The following YTHDC1 variants were observed in gnomAD, a reference collection of about 807,000 sequenced individuals.
YTHDC1 encodes the protein YTH domain-containing protein 1.
Under a neutral mutation model 107.0 loss-of-function variants are expected in YTHDC1, and 12 were observed. The ratio of observed to expected loss-of-function variants is 0.11; its 90% CI spans 0.07 to 0.18. The LOEUF is 0.18. Ranked by LOEUF, YTHDC1 falls within the 10% of genes least tolerant of loss-of-function variation. The pLI, the probability that YTHDC1 is intolerant of heterozygous loss-of-function variation, is 1.00. For missense variants in YTHDC1, 635 were observed against 898.8 expected (o/e 0.71, Z 3.75); for synonymous variants, 280 against 289.5 (o/e 0.97, Z 0.33).
At chr4:68,319,783 C>T (rs1334047103) in intron 12 of YTHDC1, among the ~76,000 whole-genome samples, 1 of 151,980 alleles carries the variant, frequency 6.6e-6, no homozygotes, top group African/African-American at 2.4e-5. Flanking sequence ...CACTAACTAC[C>T]ATAGGGAACA....
chr4:68,344,680 G>A (rs1040639975), intron 1 of YTHDC1, among the ~76,000 whole-genome samples: 3 of 152,176 alleles, frequency 2.0e-5, no homozygotes, highest in African/African-American at 7.2e-5. Flanking sequence ...CAAACTAATA[G>A]CAAAATGAGT....
intron 1 of YTHDC1, among the ~76,000 whole-genome samples, chr4:68,343,042 G>A (rs1234525879): frequency 2.0e-5 from 3 of 152,016 alleles, no homozygotes; most frequent in Non-Finnish European, 4.4e-5. Flanking sequence ...AATAACAACA[G>A]TAAACAAAGA....
chr4:68,338,617 G>C (rs1168759938), intron 1 of YTHDC1, among the ~76,000 whole-genome samples: 1 of 152,258 alleles, frequency 6.6e-6, no homozygotes, highest in Admixed American at 6.5e-5. Context: ...TTGGGAGGCT[G>C]AGGCAGGCCA....
At chr4:68,342,737 C>T (rs1425707542) in intron 1 of YTHDC1, among the ~76,000 whole-genome samples, 13 of 152,080 alleles carry the variant, frequency 8.5e-5, no homozygotes, top group African/African-American at 2.4e-4. Context: ...CATTTTAATT[C>T]ATTTTTTTAA....
intron 1 of YTHDC1, among the ~76,000 whole-genome samples, chr4:68,348,668 GC>G (rs1433987390): frequency 6.6e-6 from 1 of 152,062 alleles, no homozygotes; most frequent in East Asian, 1.9e-4. Context: ...CTCTCCTGAT[GC>G]AGAAACCAGA....
intron 10 of YTHDC1, 104 bp downstream of exon 10, chr4:68,324,035 C>T (rs556362564): frequency 1.0e-5 from 10 of 959,706 alleles, no homozygotes; most frequent in South Asian, 1.7e-5. Context: ...CAAATTCTCA[C>T]GTGGTCTCTT....
rs1424650922 is a variant in YTHDC1 at position 68,310,513 on chromosome 4, T to TA, written c.*3585dup. ...CAAGAGAATCCCCACCCCAAAAAAT[T>TA]AGAGATTAAATGATCTACATGATAG... On this transcript the variant is annotated 3_prime_UTR_variant, in exon 17 of 17. Transcript: ENST00000344157. 6.6e-6 allele frequency: 1 copy of TA among 152,138 alleles called. No homozygotes were observed. Among genetic ancestry groups the TA allele is most frequent in the Non-Finnish European group, 1.5e-5 (1 of 68,022 alleles). The allele number at this position is 152,138 out of a possible 1,614,324, so 9.4% of individuals were successfully genotyped here. A position where few individuals can be genotyped will look rare whatever the true frequency, so the allele number is the denominator to read the frequency against.
At chr4:68,348,862 G>C (rs1725740766) in intron 1 of YTHDC1, among the ~76,000 whole-genome samples, 1 of 152,184 alleles carries the variant, frequency 6.6e-6, no homozygotes, top group African/African-American at 2.4e-5. Flanking sequence ...TCTTAGGGTT[G>C]AAAAAGATCT....
At chr4:68,316,172 A>G (rs891805759) in intron 16 of YTHDC1, 142 bp downstream of exon 16, 8 of 896,910 alleles carry the variant, frequency 8.9e-6, no homozygotes, top group Non-Finnish European at 1.2e-5. Flanking sequence ...CATTTTTAAT[A>G]AAAACAAACA....
At position 68,311,779 on chromosome 4, in the gene YTHDC1, A is replaced by G. The variant is rs1187552205; in HGVS notation, c.*2320T>C. 1 of 152,236 alleles carries G rather than the reference A, an allele frequency of 6.6e-6. No individual in the cohort carries two copies. Among genetic ancestry groups the G allele is most frequent in the Non-Finnish European group, 1.5e-5 (1 of 68,044 alleles). The allele number at this position is 152,236 out of a possible 1,614,324, so 9.4% of individuals were successfully genotyped here. ...CGACTCAATACTAAGCTCAACATAC[A>G]AAGCATAACTTAACATCTAATTGGA... On this transcript the variant is annotated 3_prime_UTR_variant, in exon 17 of 17. Coordinates refer to ENST00000344157, the MANE Select transcript of YTHDC1 (RefSeq NM_001031732.4).
In YTHDC1 at chr4:68,314,282, T is replaced by C. The variant is rs778660084; in HGVS notation, c.2001A>G (p.Thr667=). The C allele has an allele frequency of 6.2e-7, 1 of 1,614,080 alleles. No homozygotes were observed. The highest frequency in any genetic ancestry group is 8.5e-7 in the Non-Finnish European group (1 of 1,180,012). Residue 667 remains threonine, a synonymous_variant, in exon 17 of 17, where the codon ACA becomes ACG. Transcript: ENST00000344157. ...TTCTCCGGCCACTGACAACAGCTTGTGTGCGACGAAGGAAATCATCCACCC... is the reference window on the plus strand; with the variant it reads ...TTCTCCGGCCACTGACAACAGCTTGCGTGCGACGAAGGAAATCATCCACCC... ...DMRVDDFLRR[T]QAVVSGRRSR...
chr4:68,320,042 G>T (rs1046832704), intron 12 of YTHDC1, 81 bp downstream of exon 12: 18 of 1,238,554 alleles, frequency 1.5e-5, no homozygotes, highest in Non-Finnish European at 1.9e-5. Context: ...AAAACTGCAG[G>T]ATTGTGAGGG....
In YTHDC1 at chr4:68,349,979, T is replaced by C; in HGVS notation, c.-226A>G. On this transcript the variant is annotated 5_prime_UTR_variant, in exon 1 of 17. Transcript: ENST00000344157. Reference sequence around the variant, plus strand: ...CAGCGGCCTAGGCCCAGCCTTCTCGTTAGGGCTCAGACTCGGGCTAGGTAT... The same window carrying C: ...CAGCGGCCTAGGCCCAGCCTTCTCGCTAGGGCTCAGACTCGGGCTAGGTAT... 2 of 629,962 alleles carry C rather than the reference T, an allele frequency of 3.2e-6. No homozygotes were observed. The highest frequency in any genetic ancestry group is 4.3e-4 in the Middle Eastern group (1 of 2,318). 39.0% of individuals were successfully genotyped at this position (629,962 alleles called of 1,614,324 possible). A position where few individuals can be genotyped will look rare whatever the true frequency, so the allele number is the denominator to read the frequency against.
At chr4:68,333,204 T>C in intron 5 of YTHDC1, 104 bp downstream of exon 5, 1 of 811,284 alleles carries the variant, frequency 1.2e-6, no homozygotes. Context: ...CAAAAATCAG[T>C]GCTAATGGAC....
Position 68,349,895 on chromosome 4 carries a change from C to G in YTHDC1, c.-142G>C. 1 of 1,109,190 alleles carries G rather than the reference C, an allele frequency of 9.0e-7. No individual in the cohort carries two copies. Among genetic ancestry groups the G allele is most frequent in the Non-Finnish European group, 1.3e-6 (1 of 754,770 alleles). 68.7% of individuals were successfully genotyped at this position (1,109,190 alleles called of 1,614,324 possible). On this transcript the variant is annotated 5_prime_UTR_variant, in exon 1 of 17. Coordinates refer to ENST00000344157, the MANE Select transcript of YTHDC1 (RefSeq NM_001031732.4). The stretch of plus-strand genomic sequence containing the variant: ...GCGCGTCGCACTTGGCCTCTTAACA[C>G]TCAGCCTTCTCGACTCTTCCCGCTT...
Position 68,337,642 on chromosome 4 carries a change from G to C in YTHDC1, c.389C>G (p.Pro130Arg). Reference sequence around the variant, plus strand: ...CCTTTTCCGGACACAGGTTTTTTCAGGTTGATTCTTATAAGGTTCTCTGGA... The same window carrying C: ...CCTTTTCCGGACACAGGTTTTTTCACGTTGATTCTTATAAGGTTCTCTGGA... ...SASREPYKNQ[P>R]EKTCVRKRDP... is the part of the protein sequence containing the mutation. The change falls in exon 3 of 17, where the codon CCT (proline) becomes CGT (arginine). Residue 130 changes from proline to arginine, a missense_variant. Physicochemically the swap from Pro to Arg is moderately radical, Grantham distance 103. Around this residue, in one of 5 missense-constraint regions of YTHDC1, gnomAD observed 294 missense variants for 312.3 expected, o/e 0.94. Coordinates refer to ENST00000344157, the MANE Select transcript of YTHDC1 (RefSeq NM_001031732.4). 1 of 1,613,938 alleles carries C rather than the reference G, an allele frequency of 6.2e-7. No homozygotes were observed. Among genetic ancestry groups the C allele is most frequent in the South Asian group, 1.1e-5 (1 of 91,046 alleles).
At chr4:68,349,678 T>G in intron 1 of YTHDC1, 48 bp downstream of exon 1, 1 of 1,201,456 alleles carries the variant, frequency 8.3e-7, no homozygotes, top group Non-Finnish European at 1.1e-6. Flanking sequence ...ATCACCCCAC[T>G]CCCGGGCCCC....
intron 1 of YTHDC1, among the ~76,000 whole-genome samples, chr4:68,342,573 A>G (rs1724951132): frequency 6.6e-6 from 1 of 152,212 alleles, no homozygotes; most frequent in Non-Finnish European, 1.5e-5. Context: ...TTTAAGGGTA[A>G]ATATTTTAAT....
At chr4:68,327,409 G>A (rs755060710) in intron 9 of YTHDC1, among the ~76,000 whole-genome samples, 8 of 117,194 alleles carry the variant, frequency 6.8e-5, no homozygotes, top group Non-Finnish European at 9.6e-5. Context: ...TTAATAAGTC[G>A]CTTTTTATGC....
Sources: allele counts gnomAD v4.1 joint callset (sites outside exome capture counted in the v4.1 genomes callset), GRCh38; gene constraint gnomAD v4.1.1; regional missense constraint gnomAD v4.1.1; transcripts MANE v1.5; gene names NCBI Gene and HGNC (gene_info 2026-07-23, HGNC 2026-07-21).